The following GRM1 variants were observed in gnomAD, a reference collection of about 807,000 sequenced individuals.
GRM1 encodes the protein glutamate metabotropic receptor 1, also known as metabotropic glutamate receptor 1.
A neutral mutation model predicts 90.9 loss-of-function variants in GRM1; 33 were observed. That is an observed-to-expected ratio of 0.36 (90% confidence interval 0.28 to 0.49). The LOEUF (loss-of-function observed/expected upper bound fraction) is 0.49, where lower values mean the gene tolerates loss of function less well. GRM1 is among the 20% of genes least tolerant of loss of function. The probability of loss-of-function intolerance (pLI) is 0.99; values close to 1 mark genes in which losing one functional copy is unlikely to be tolerated. For synonymous variants in GRM1, 700 were observed against 613.2 expected (o/e 1.14, Z -2.09); for missense variants, 1,190 against 1,534.3 (o/e 0.78, Z 3.75).
chr6:146,096,175 A>C (rs955090779), intron 1 of GRM1, among the ~76,000 whole-genome samples: 1 of 152,192 alleles, frequency 6.6e-6, no homozygotes, highest in East Asian at 1.9e-4. Context: ...AGATTTATGG[A>C]GATATATTTG....
At chr6:146,068,155 A>G (rs2128857390) in intron 1 of GRM1, among the ~76,000 whole-genome samples, 1 of 149,872 alleles carries the variant, frequency 6.7e-6, no homozygotes, top group South Asian at 2.1e-4. Flanking sequence ...TCTGTCGTCC[A>G]GGCTGGAGTG....
At chr6:146,422,648 C>T (rs1562689928) in intron 7 of GRM1, among the ~76,000 whole-genome samples, 1 of 152,076 alleles carries the variant, frequency 6.6e-6, no homozygotes, top group Admixed American at 6.5e-5. Context: ...GATCTCATTG[C>T]TAACATCATA....
chr6:146,092,810 A>C (rs1277991767), intron 1 of GRM1, among the ~76,000 whole-genome samples: 1 of 151,944 alleles, frequency 6.6e-6, no homozygotes, highest in Non-Finnish European at 1.5e-5. Context: ...AGGCAATGTG[A>C]CTCCCACTGG....
intron 1 of GRM1, among the ~76,000 whole-genome samples, chr6:146,091,213 C>CGGAA (rs1776703673): frequency 6.6e-6 from 1 of 152,020 alleles, no homozygotes; most frequent in African/African-American, 2.4e-5. Context: ...TTCCTTCTTC[C>CGGAA]CATTGGCAGG....
Position 146,302,295 on chromosome 6 carries a change from C to G in GRM1, c.951-2316C>G, listed in dbSNP as rs116717859. Among the ~76,000 whole-genome samples, 255 of 149,942 alleles carry G rather than the reference C, an allele frequency of 1.7e-3. 1 individual carries two copies. Among genetic ancestry groups the G allele is most frequent in the African/African-American group, 6.2e-3 (251 of 40,674 alleles). ...CCTCACACACACAGGCGTGCGTGCA[C>G]ACACACAAGCAGGCACACGTGTCAT... On this transcript the variant is annotated intron_variant, in intron 2 of 7. Transcript: ENST00000282753.
chr6:146,396,719 A>G (rs1776951591), intron 6 of GRM1, among the ~76,000 whole-genome samples: 1 of 152,222 alleles, frequency 6.6e-6, no homozygotes. Context: ...AAGAAACAGC[A>G]AGGGAATAAA....
intron 6 of GRM1, among the ~76,000 whole-genome samples, chr6:146,397,279 C>T (rs1212879556): frequency 6.6e-6 from 1 of 151,706 alleles, no homozygotes; most frequent in Non-Finnish European, 1.5e-5. Context: ...TCGAGAACAT[C>T]CTGGCTAACA....
chr6:146,044,235 T>C (rs1791240887), intron 1 of GRM1, among the ~76,000 whole-genome samples: 1 of 151,988 alleles, frequency 6.6e-6, no homozygotes, highest in South Asian at 2.1e-4. Flanking sequence ...CCCTTCCTGT[T>C]TTCCCCTTTT....
intron 2 of GRM1, among the ~76,000 whole-genome samples, chr6:146,184,284 C>T (rs1355971459): frequency 6.6e-6 from 1 of 152,124 alleles, no homozygotes; most frequent in Non-Finnish European, 1.5e-5. Context: ...CTTAATTTCC[C>T]TCCAGAAGAA....
intron 2 of GRM1, among the ~76,000 whole-genome samples, chr6:146,187,080 C>T (rs1332793453): frequency 1.3e-5 from 2 of 152,034 alleles, no homozygotes; most frequent in African/African-American, 2.4e-5. Flanking sequence ...CTAGAAATAT[C>T]GGTTATCAGC....
intron 1 of GRM1, among the ~76,000 whole-genome samples, chr6:146,117,988 T>A (rs1775821404): frequency 6.6e-6 from 1 of 152,042 alleles, no homozygotes; most frequent in Non-Finnish European, 1.5e-5. Flanking sequence ...TAATACTCTG[T>A]CTCCTTTTGT....
chr6:146,130,403 G>A (rs1330399315), intron 1 of GRM1, among the ~76,000 whole-genome samples: 2 of 152,044 alleles, frequency 1.3e-5, no homozygotes, highest in Non-Finnish European at 2.9e-5. Flanking sequence ...AATAGGTGGA[G>A]GATGTTAGAT....
intron 2 of GRM1, among the ~76,000 whole-genome samples, chr6:146,296,465 A>G (rs1387804853): frequency 6.6e-6 from 1 of 152,168 alleles, no homozygotes; most frequent in African/African-American, 2.4e-5. Context: ...AAAAATACAC[A>G]ATACGTTATT....
chr6:146,132,549 G>T (rs1380239772), intron 1 of GRM1, among the ~76,000 whole-genome samples: 2 of 152,028 alleles, frequency 1.3e-5, no homozygotes, highest in Non-Finnish European at 1.5e-5. Flanking sequence ...ATTTGGAATT[G>T]TCCCACATTT....
chr6:146,262,179 T>G (rs1450136599), intron 2 of GRM1, among the ~76,000 whole-genome samples: 1 of 151,964 alleles, frequency 6.6e-6, no homozygotes, highest in Admixed American at 6.6e-5. Context: ...GGCCAAGAAT[T>G]TTGTGAAAAA....
chr6:146,151,637 G>T (rs1012322930), intron 1 of GRM1, among the ~76,000 whole-genome samples: 6 of 152,040 alleles, frequency 3.9e-5, no homozygotes, highest in African/African-American at 1.4e-4. Context: ...CAATTTTTCT[G>T]AATACATTTC....
intron 1 of GRM1, among the ~76,000 whole-genome samples, chr6:146,059,739 T>G (rs1200190453): frequency 6.6e-6 from 1 of 152,146 alleles, no homozygotes; most frequent in Non-Finnish European, 1.5e-5. Flanking sequence ...TTCCTGCAAC[T>G]TGTACATCAG....
chr6:146,097,388 A>G (rs909435732), intron 1 of GRM1, among the ~76,000 whole-genome samples: 1 of 152,164 alleles, frequency 6.6e-6, no homozygotes, highest in Non-Finnish European at 1.5e-5. Context: ...ATGTATGAAG[A>G]TGTGGGATAG....
chr6:146,433,884 G>A lies in GRM1; in HGVS notation c.2673G>A (p.Lys891=). The A allele has an allele frequency of 6.2e-7, 1 of 1,610,326 alleles. No homozygotes were observed. The highest frequency in any genetic ancestry group is 8.5e-7 in the Non-Finnish European group (1 of 1,176,542). Residue 891 remains lysine (K), a synonymous_variant, in exon 8 of 8, where the codon AAG becomes AAA. Coordinates refer to ENST00000282753, the MANE Select transcript of GRM1 (RefSeq NM_001278064.2). ...AGAGNANSNG[K]SVSWSEPGGG... ...ATTTTATTCATAGTTCTAATGGCAA[G>A]TCTGTGTCATGGTCTGAACCAGGTG...
Sources: allele counts gnomAD v4.1 joint callset (sites outside exome capture counted in the v4.1 genomes callset), GRCh38; gene constraint gnomAD v4.1.1; transcripts MANE v1.5; gene names NCBI Gene and HGNC (gene_info 2026-07-23, HGNC 2026-07-21).